Variants in TF observed in about 807,000 individuals in gnomAD.
The protein encoded by TF is transferrin, also known as serotransferrin.
Under a neutral mutation model 82.4 loss-of-function variants are expected in TF, and 55 were observed. The ratio of observed to expected loss-of-function variants is 0.67; its 90% confidence interval spans 0.54 to 0.84. TF has a LOEUF of 0.84. TF is among the 40% of genes least tolerant of loss of function. TF has a pLI of 0.00. For missense variants in TF, 737 were observed against 868.4 expected (o/e 0.85, Z 1.90); for synonymous variants, 332 against 332.6 (o/e 1.00, Z 0.02).
In TF at chr3:133,791,662, A is replaced by T. The variant is rs1301313051; in HGVS notation, c.*13042A>T. ...CCTTAGAATAAAATGTGTGCTTAGG[A>T]CCCCATAGACCTGCTGTTCAAGACA... is the stretch of plus-strand genomic sequence containing the variant. On this transcript the variant is annotated 3_prime_UTR_variant, in exon 17 of 17. Coordinates refer to ENST00000402696, the MANE Select transcript of TF (RefSeq NM_001063.4). The T allele has an allele frequency of 6.6e-6, 1 of 152,084 alleles. No homozygotes were observed. Among genetic ancestry groups the T allele is most frequent in the Non-Finnish European group, 1.5e-5 (1 of 68,020 alleles). 9.4% of individuals were successfully genotyped at this position (152,084 alleles called of 1,614,324 possible). A position where few individuals can be genotyped will look rare whatever the true frequency, so the allele number is the denominator to read the frequency against.
At chr3:133,726,258 T>C in the TF span, among the ~76,000 whole-genome samples, 1 of 152,204 alleles carries the variant, frequency 6.6e-6, no homozygotes, top group Non-Finnish European at 1.5e-5. Flanking sequence ...GTACCTCTGG[T>C]AGAATTCGGC....
At chr3:133,746,373 C>T, upstream of TF, 1 of 1,533,248 alleles carries the variant, frequency 6.5e-7, no homozygotes, top group Non-Finnish European at 8.8e-7. Flanking sequence ...AATAAAGGGA[C>T]GCGGGGCGCC....
chr3:133,752,463 T>C (rs1012906498), intron 2 of TF, among the ~76,000 whole-genome samples: 9 of 152,204 alleles, frequency 5.9e-5, no homozygotes, highest in African/African-American at 9.7e-5. Flanking sequence ...GGAAAAATCA[T>C]TTTGATTAAA....
chr3:133,748,658 CT>C, intron 2 of TF, 74 bp downstream of exon 2: 1 of 1,561,704 alleles, frequency 6.4e-7, no homozygotes, highest in South Asian at 1.2e-5. Context: ...TGGAACAATT[CT>C]TTACTCACAG....
At position 133,759,190 on chromosome 3, in the gene TF, C is replaced by G. The variant is rs773883338; in HGVS notation, c.1064C>G (p.Thr355Arg). Residue 355 changes from threonine to arginine, a missense_variant, in exon 9 of 17, where the codon ACA (threonine) becomes AGA (arginine). Coordinates refer to ENST00000402696, the MANE Select transcript of TF (RefSeq NM_001063.4). Reference protein sequence around the residue: ...LREGTCPEAPTDECKPVKWCA... With the variant: ...LREGTCPEAPRDECKPVKWCA... ...TATGCCATAGGCCCAGAAGCCCCAA[C>G]AGATGAATGCAAGCCTGTGAAGTGG... 7.4e-6 allele frequency: 12 copies of G among 1,614,172 alleles called. No individual in the cohort carries two copies. The highest frequency in any genetic ancestry group is 9.3e-6 in the Non-Finnish European group (11 of 1,180,038).
chr3:133,692,108 G>C, the TF span, among the ~76,000 whole-genome samples: 8 of 152,246 alleles, frequency 5.3e-5, no homozygotes, highest in African/African-American at 1.7e-4. Flanking sequence ...AGAGTCCATT[G>C]CTCACCCAGT....
chr3:133,694,017 A>C, the TF span, among the ~76,000 whole-genome samples: 3 of 151,648 alleles, frequency 2.0e-5, no homozygotes, highest in East Asian at 5.8e-4. Flanking sequence ...TGGGCCACAC[A>C]CTCCCTCCGG....
At chr3:133,773,126 A>G (rs1934298928) in intron 14 of TF, 1 of 151,768 alleles carries the variant, frequency 6.6e-6, no homozygotes, top group Non-Finnish European at 1.5e-5. Context: ...TATGGTATAT[A>G]CAAGAAGGAA....
chr3:133,667,404 A>G, the TF span, among the ~76,000 whole-genome samples: 1 of 152,222 alleles, frequency 6.6e-6, no homozygotes, highest in East Asian at 1.9e-4. Context: ...CAAGGTTGGA[A>G]AAGCTGACTT....
chr3:133,729,254 C>G, the TF span, among the ~76,000 whole-genome samples: 1 of 152,194 alleles, frequency 6.6e-6, no homozygotes, highest in Admixed American at 6.5e-5. Context: ...GTGCCCTGCC[C>G]CCAGAGATGG....
intron 9 of TF, chr3:133,761,668 TATA>T (rs760879726): frequency 1.3e-5 from 2 of 152,256 alleles, no homozygotes; most frequent in Non-Finnish European, 2.9e-5. Flanking sequence ...GGCTTATAAT[TATA>T]AAATGGAACA....
At chr3:133,690,552 A>C in the TF span, among the ~76,000 whole-genome samples, 1 of 152,214 alleles carries the variant, frequency 6.6e-6, no homozygotes, top group Non-Finnish European at 1.5e-5. Context: ...AATATTCAGT[A>C]AGGGTCATAA....
At chr3:133,692,917 C>A in the TF span, 1 of 153,648 alleles carries the variant, frequency 6.5e-6, no homozygotes, top group Non-Finnish European at 1.5e-5. Flanking sequence ...CTGCTTCCCC[C>A]TAGCTCCCTT....
the TF span, among the ~76,000 whole-genome samples, chr3:133,729,362 G>A: frequency 6.6e-6 from 1 of 152,238 alleles, no homozygotes; most frequent in Non-Finnish European, 1.5e-5. Context: ...CTGGGCAATG[G>A]CGGGCGCCCC....
chr3:133,719,408 T>C, the TF span, among the ~76,000 whole-genome samples: 1 of 152,124 alleles, frequency 6.6e-6, no homozygotes, highest in South Asian at 2.1e-4. Context: ...TTTTCCCCTA[T>C]AATTCCCAGG....
the TF span, among the ~76,000 whole-genome samples, chr3:133,685,041 T>C: frequency 6.6e-6 from 1 of 152,260 alleles, no homozygotes; most frequent in African/African-American, 2.4e-5. Flanking sequence ...GATGCAAGGC[T>C]GGTTCAACGT....
chr3:133,727,127 T>G, the TF span, among the ~76,000 whole-genome samples: 2 of 152,216 alleles, frequency 1.3e-5, no homozygotes, highest in African/African-American at 2.4e-5. Flanking sequence ...AAAATGTATA[T>G]TCTGTTGATT....
the TF span, among the ~76,000 whole-genome samples, chr3:133,669,151 C>T: frequency 2.6e-5 from 4 of 152,044 alleles, no homozygotes; most frequent in East Asian, 3.9e-4. Flanking sequence ...CAGGTGCCTG[C>T]GACCACACCT....
At chr3:133,732,339 G>C in the TF span, among the ~76,000 whole-genome samples, 1 of 152,114 alleles carries the variant, frequency 6.6e-6, no homozygotes, top group East Asian at 1.9e-4. Context: ...CTAAAGGTTT[G>C]TAAATGCACC....
Sources: gnomAD v4.1 joint callset for allele counts (sites outside exome capture counted in the v4.1 genomes callset) on GRCh38, gnomAD v4.1.1 for gene constraint, MANE v1.5 for transcripts, NCBI Gene and HGNC (gene_info 2026-07-23, HGNC 2026-07-21) for gene names.